Variants in DNAH7 observed in about 807,000 individuals in gnomAD.
The protein encoded by DNAH7 is axonemal beta dynein heavy chain 7.
DNAH7 carries 397 observed loss-of-function variants against 444.6 expected under a neutral mutation model. The observed-to-expected ratio is 0.89, with a 90% CI of 0.82 to 0.97. The LOEUF (loss-of-function observed/expected upper bound fraction) is 0.97. Among genes scored for constraint, DNAH7 ranks in the 50% least tolerant of loss-of-function variants. The probability of loss-of-function intolerance (pLI) is 0.00; values close to 1 mark genes in which losing one functional copy is unlikely to be tolerated. For synonymous variants in DNAH7, 1,636 were observed against 1,624.4 expected, an observed-to-expected ratio of 1.01 and a Z score of -0.17; for missense variants, 4,902 against 4,800.8, an observed-to-expected ratio of 1.02 and a Z score of -0.62.
intron 12 of DNAH7, among the ~76,000 whole-genome samples, chr2:195,990,814 T>TATACTTAAATATATATAC (rs1693258236): frequency 1.7e-5 from 2 of 120,466 alleles, no homozygotes; most frequent in Non-Finnish European, 3.6e-5. Flanking sequence ...TGTGTGTGTA[T>TATACTTAAATATATATAC]ATATATATAC....
intron 19 of DNAH7, among the ~76,000 whole-genome samples, chr2:195,942,369 AAGAAGG>A (rs1219158505): frequency 4.0e-5 from 6 of 151,676 alleles, no homozygotes; most frequent in Non-Finnish European, 5.9e-5. Context: ...GAGGAAGCAA[AAGAAGG>A]AGAAGGAGAA....
chr2:195,873,644 T>C lies in DNAH7; in HGVS notation c.6337A>G (p.Ile2113Val), dbSNP rs370271220. 7 of 1,534,462 alleles carry C rather than the reference T, an allele frequency of 4.6e-6. No individual in the cohort carries two copies. The highest frequency in any genetic ancestry group is 6.1e-6 in the Non-Finnish European group (7 of 1,146,118). ...TTATCACTAAACTCATTGATTGTTATAATATTGAAATGTCGCATGTATCGA... is the reference window on the plus strand; with the variant it reads ...TTATCACTAAACTCATTGATTGTTACAATATTGAAATGTCGCATGTATCGA... ...TPRYMRHFNI[I>V]TINEFSDKSM... Residue 2113 changes from isoleucine (I) to valine (V), a missense_variant, in exon 39 of 65, where the codon ATA becomes GTA. Coordinates refer to ENST00000312428, the MANE Select transcript of DNAH7 (RefSeq NM_018897.3).
intron 36 of DNAH7, among the ~76,000 whole-genome samples, chr2:195,879,615 T>C (rs1444032468): frequency 6.6e-6 from 1 of 152,202 alleles, no homozygotes; most frequent in African/African-American, 2.4e-5. Flanking sequence ...CTTGGTCTAC[T>C]GAAAGATGAA....
intron 61 of DNAH7, among the ~76,000 whole-genome samples, chr2:195,765,280 G>A (rs1473485871): frequency 1.3e-5 from 2 of 152,142 alleles, no homozygotes; most frequent in Admixed American, 6.5e-5. Flanking sequence ...TCTACTGTGA[G>A]GAAACATTGA....
intron 40 of DNAH7, among the ~76,000 whole-genome samples, chr2:195,869,259 G>C (rs1204608699): frequency 6.6e-6 from 1 of 151,606 alleles, no homozygotes; most frequent in Non-Finnish European, 1.5e-5. Context: ...ATGAACTTCT[G>C]TGGTTCCACC....
At chr2:195,963,575 GTTTA>G (rs1429779838) in intron 17 of DNAH7, among the ~76,000 whole-genome samples, 1 of 152,128 alleles carries the variant, frequency 6.6e-6, no homozygotes, top group Non-Finnish European at 1.5e-5. Context: ...TCTTCATGTT[GTTTA>G]TTGTTTCCTT....
intron 46 of DNAH7, among the ~76,000 whole-genome samples, chr2:195,850,617 G>A (rs915991516): frequency 6.6e-6 from 1 of 152,194 alleles, no homozygotes. Context: ...CGACTACTCA[G>A]ATTCAAGCTT....
At chr2:195,748,074 A>G (rs1693538392) in intron 63 of DNAH7, among the ~76,000 whole-genome samples, 1 of 152,280 alleles carries the variant, frequency 6.6e-6, no homozygotes. Flanking sequence ...ATGATTGTAT[A>G]TCTAGAAAAC....
intron 40 of DNAH7, among the ~76,000 whole-genome samples, chr2:195,865,512 G>A (rs1169298692): frequency 6.6e-6 from 1 of 152,154 alleles, no homozygotes; most frequent in East Asian, 1.9e-4. Flanking sequence ...AAATGTCTTG[G>A]GTAGAGGGAG....
chr2:196,018,396 T>G (rs1695157138), intron 9 of DNAH7, among the ~76,000 whole-genome samples: 1 of 152,134 alleles, frequency 6.6e-6, no homozygotes, highest in African/African-American at 2.4e-5. Context: ...AAATATGCTA[T>G]GATCTAGTTA....
At chr2:195,914,719 G>A (rs184365833) in intron 24 of DNAH7, among the ~76,000 whole-genome samples, 95 of 152,098 alleles carry the variant, frequency 6.2e-4, no homozygotes, top group African/African-American at 1.9e-3. Flanking sequence ...GCTGGAGTGC[G>A]GTGGCAAAAT....
At chr2:196,000,336 GGA>G (rs1436490913) in intron 12 of DNAH7, among the ~76,000 whole-genome samples, 1 of 152,010 alleles carries the variant, frequency 6.6e-6, no homozygotes, top group Non-Finnish European at 1.5e-5. Context: ...GTATATGAGG[GGA>G]GTAATAAACT....
chr2:195,870,613 G>A (rs1330296398), intron 40 of DNAH7, among the ~76,000 whole-genome samples: 1 of 152,160 alleles, frequency 6.6e-6, no homozygotes, highest in South Asian at 2.1e-4. Flanking sequence ...GTATTGCAGT[G>A]GAGACTCTGG....
intron 10 of DNAH7, among the ~76,000 whole-genome samples, chr2:196,006,619 C>A (rs1694392235): frequency 1.3e-5 from 2 of 150,230 alleles, no homozygotes; most frequent in Admixed American, 1.3e-4. Flanking sequence ...TCTCTATTTG[C>A]AGATGATATG....
At chr2:195,919,683 T>C (rs1687907365) in intron 24 of DNAH7, among the ~76,000 whole-genome samples, 2 of 152,130 alleles carry the variant, frequency 1.3e-5, no homozygotes, top group Admixed American at 1.3e-4. Context: ...ATTAAATAAA[T>C]ACATTTAATT....
chr2:195,751,153 T>C (rs750051956), intron 63 of DNAH7, among the ~76,000 whole-genome samples: 5 of 152,218 alleles, frequency 3.3e-5, no homozygotes, highest in Non-Finnish European at 7.4e-5. Flanking sequence ...CTTTTGAGTA[T>C]GTTAAGAATA....
rs751532776 is a variant in DNAH7, at chr2:195,988,100, CAT to C, written c.1481_1482del (p.Tyr494Ter). On this transcript the variant is annotated frameshift_variant, in exon 13 of 65. Transcript: ENST00000312428. LOFTEE classifies it high-confidence loss of function. ...SVAPTEHLRLYDKYDFLITRK... is the reference protein window; with the variant it reads ...SVAPTEHLRLXDKYDFLITRK... The stretch of plus-strand genomic sequence containing the variant: ...CTGGTAATTAAAAAGTCATACTTGT[CAT>C]AGAGTCTGAGGTGCTCAGTAGGTGC... The C allele has an allele frequency of 5.6e-6, 9 of 1,613,604 alleles. No individual in the cohort carries two copies. The South Asian group carries it at 8.8e-5, about 16-fold the overall frequency.
At chr2:195,947,489 T>C (rs572991329) in intron 19 of DNAH7, among the ~76,000 whole-genome samples, 1 of 152,108 alleles carries the variant, frequency 6.6e-6, no homozygotes, top group Non-Finnish European at 1.5e-5. Context: ...TTCCCCTCCC[T>C]GTGTCCATGT....
chr2:195,924,107 G>T (rs545517760), intron 22 of DNAH7, among the ~76,000 whole-genome samples: 1 of 152,070 alleles, frequency 6.6e-6, no homozygotes, highest in East Asian at 1.9e-4. Context: ...ACTCTCCATG[G>T]CAATATGGAG....
Sources: allele counts gnomAD v4.1 joint callset (sites outside exome capture counted in the v4.1 genomes callset), GRCh38; gene constraint gnomAD v4.1.1; transcripts MANE v1.5; gene names NCBI Gene and HGNC (gene_info 2026-07-23, HGNC 2026-07-21).